Variants in RASIP1 observed in about 807,000 individuals in gnomAD.
RASIP1 encodes the protein Ras interacting protein 1, also known as ras-interacting protein 1.
RASIP1 carries 20 observed loss-of-function variants against 85.3 expected under a neutral mutation model. The observed-to-expected ratio is 0.23, with a 90% confidence interval of 0.17 to 0.34. The LOEUF (loss-of-function observed/expected upper bound fraction) is 0.34, where lower values mean the gene tolerates loss of function less well. RASIP1 is among the 10% of genes least tolerant of loss of function. The probability of loss-of-function intolerance (pLI) is 1.00; values close to 1 mark genes in which losing one functional copy is unlikely to be tolerated. For synonymous variants in RASIP1, 617 were observed against 647.1 expected, an observed-to-expected ratio of 0.95 and a Z score of 0.71; for missense variants, 1,170 against 1,390.9, an observed-to-expected ratio of 0.84 and a Z score of 2.53.
At chr19:48,725,084 C>T (rs2033319351) in intron 8 of RASIP1, 124 bp from the exon 9 acceptor site, 3 of 1,164,096 alleles carry the variant, frequency 2.6e-6, no homozygotes, top group South Asian at 3.1e-5. Context: ...GTCCATTCTA[C>T]AGTCAACACC....
intron 8 of RASIP1, among the ~76,000 whole-genome samples, chr19:48,726,235 CTT>C (rs535162576): frequency 5.9e-5 from 9 of 151,858 alleles, no homozygotes; most frequent in Admixed American, 2.0e-4. Flanking sequence ...TTATATTACT[CTT>C]TTGAGACAGA....
chr19:48,735,364 C>T lies in RASIP1; in HGVS notation c.1011G>A (p.Arg337=), dbSNP rs148553286. The T allele has an allele frequency of 1.6e-5, 26 of 1,612,906 alleles. No homozygotes were observed. The African/African-American group carries it at 3.2e-4, about 20-fold the overall frequency. Residue 337 remains arginine (R), a synonymous_variant, in exon 4 of 12, where the codon CGG becomes CGA. Coordinates refer to ENST00000222145, the MANE Select transcript of RASIP1 (RefSeq NM_017805.3). ...CCTGCTGTCTCCGCTCCTGCTGCCG[C>T]CGCCGCCGCCCCTGAAGGCTAAGCT... The part of the protein sequence containing the change: ...VSELSLQGRR[R]RQQERRQQAL...
At chr19:48,734,024 A>C (rs527753517) in intron 4 of RASIP1, among the ~76,000 whole-genome samples, 1 of 151,450 alleles carries the variant, frequency 6.6e-6, no homozygotes, top group Non-Finnish European at 1.5e-5. Flanking sequence ...GGCCGGGCAC[A>C]GTGGCTTACG....
Position 48,720,900 on chromosome 19 carries a change from C to T in RASIP1, c.2790G>A (p.Leu930=). Residue 930 remains leucine, a synonymous_variant, in exon 12 of 12, where the codon TTG becomes TTA. Transcript: ENST00000222145. ...RLTGPVTDDA[L]HRELRRLRRL... ...GGCGGAGCCTACGGAGTTCACGGTG[C>T]AAGGCATCGTCCGTCACTGGACCAG... The T allele has an allele frequency of 6.2e-7, 1 of 1,613,938 alleles. No individual in the cohort carries two copies. The highest frequency in any genetic ancestry group is 8.5e-7 in the Non-Finnish European group (1 of 1,179,996).
chr19:48,725,812 G>A (rs35851152), intron 8 of RASIP1, among the ~76,000 whole-genome samples: 8,215 of 152,218 alleles, frequency 0.054, 301 homozygotes, highest in Non-Finnish European at 0.08. Flanking sequence ...AAACTTAACA[G>A]TGACTGAAGA....
intron 10 of RASIP1, among the ~76,000 whole-genome samples, chr19:48,722,320 T>C (rs1358882703): frequency 2.0e-4 from 30 of 148,384 alleles, no homozygotes; most frequent in Non-Finnish European, 4.0e-4. Context: ...TTTTTTTTTT[T>C]TTTTGTCCTT....
At chr19:48,723,088 A>G (rs559966494) in intron 10 of RASIP1, among the ~76,000 whole-genome samples, 2 of 151,772 alleles carry the variant, frequency 1.3e-5, no homozygotes, top group East Asian at 2.0e-4. Context: ...TGTCTCCCCT[A>G]TGTTGCCAAC....
intron 3 of RASIP1, chr19:48,737,665 C>T: frequency 7.1e-6 from 7 of 985,396 alleles, no homozygotes; most frequent in Non-Finnish European, 8.4e-6. Flanking sequence ...ATACTCCACC[C>T]ACATAGGCCC....
In RASIP1 at chr19:48,724,286, G is replaced by T. The variant is rs375147128; in HGVS notation, c.2544+51C>A. On this transcript the variant is annotated intron_variant, in intron 10 of 11. Coordinates refer to ENST00000222145, the MANE Select transcript of RASIP1 (RefSeq NM_017805.3). The surrounding 1 kb of genome is among the most constrained non-coding windows in gnomAD (Gnocchi z 4.6). ...AGCTGAATATAGAAGGTGGCTGAGG[G>T]GGGTTGAGGAGTCAGAGGTCAGGGG... 5.7e-6 allele frequency: 9 copies of T among 1,567,254 alleles called. 1 individual carries two copies. Among genetic ancestry groups the T allele is most frequent in the South Asian group, 2.3e-5 (2 of 86,770 alleles).
intron 3 of RASIP1, chr19:48,737,517 G>A: frequency 1.0e-6 from 1 of 985,236 alleles, no homozygotes; most frequent in Non-Finnish European, 1.2e-6. Flanking sequence ...CCTTTCCCAT[G>A]TGATCCCACT....
intron 6 of RASIP1, 100 bp downstream of exon 6, chr19:48,727,287 GAGAAGC>G (rs2033358473): frequency 6.5e-7 from 1 of 1,543,898 alleles, no homozygotes; most frequent in Non-Finnish European, 8.8e-7. Flanking sequence ...TGAGCGCAAG[GAGAAGC>G]AGAAACTTGC....
chr19:48,739,482 T>G lies in RASIP1; in HGVS notation c.301A>C (p.Thr101Pro). The G allele has an allele frequency of 6.7e-7, 1 of 1,503,730 alleles. No homozygotes were observed. 93.1% of individuals were successfully genotyped at this position (1,503,730 alleles called of 1,614,324 possible). The change falls in exon 3 of 12, where the codon ACG becomes CCG. Residue 101 changes from threonine to proline, a missense_variant. Transcript: ENST00000222145. This position sits in a 1 kb window ranked among gnomAD's most constrained non-coding sequence, Gnocchi z 9.2. ...QLFRGSGTGT[T>P]GSSGAGGPGT... ...GGGCCTCCTGCGCCGCTGGACCCCGTGGTCCCGGTCCCCGAGCCCCGGAAG... is the reference window on the plus strand; with the variant it reads ...GGGCCTCCTGCGCCGCTGGACCCCGGGGTCCCGGTCCCCGAGCCCCGGAAG...
intron 4 of RASIP1, among the ~76,000 whole-genome samples, chr19:48,731,838 T>C (rs927781388): frequency 3.9e-5 from 6 of 152,222 alleles, no homozygotes; most frequent in African/African-American, 1.4e-4. Context: ...CTGTTCTTCA[T>C]TCCTGTCTGA....
At chr19:48,732,477 A>C (rs1187364555) in intron 4 of RASIP1, among the ~76,000 whole-genome samples, 1 of 151,770 alleles carries the variant, frequency 6.6e-6, no homozygotes, top group African/African-American at 2.4e-5. Flanking sequence ...GATGGTCTCG[A>C]TCTCATGACC....
At chr19:48,722,143 T>TTTA in intron 10 of RASIP1, 142 bp from the exon 11 acceptor site, 1 of 798,690 alleles carries the variant, frequency 1.3e-6, no homozygotes, top group Non-Finnish European at 1.8e-6. Context: ...TGAAGTCTGT[T>TTTA]TATCACCAAA....
At position 48,735,366 on chromosome 19, in the gene RASIP1, G is replaced by A. The variant is rs1394116558; in HGVS notation, c.1009C>T (p.Arg337Trp). Residue 337 changes from arginine to tryptophan, a missense_variant, in exon 4 of 12, where the codon CGG becomes TGG. By Grantham distance (101) the Arg-to-Trp change is moderately radical. This residue lies in a region of RASIP1 where 301 missense variants were observed against 294.8 expected (regional missense o/e 1.02). Transcript: ENST00000222145. The part of the protein sequence containing the change: ...VSELSLQGRR[R>W]RQQERRQQAL... ...TGCTGTCTCCGCTCCTGCTGCCGCC[G>A]CCGCCGCCCCTGAAGGCTAAGCTCC... 2.5e-6 allele frequency: 4 copies of A among 1,612,884 alleles called. No individual in the cohort carries two copies. The highest frequency in any genetic ancestry group is 1.7e-5 in the Admixed American group (1 of 59,956).
rs767617469 is a variant in RASIP1, at chr19:48,735,327, C to T, written c.1048G>A (p.Ala350Thr). 1 of 1,613,738 alleles carries T rather than the reference C, an allele frequency of 6.2e-7. No homozygotes were observed. The highest frequency in any genetic ancestry group is 8.5e-7 in the Non-Finnish European group (1 of 1,179,924). The change falls in exon 4 of 12, where the codon GCC becomes ACC. Residue 350 changes from alanine to threonine, a missense_variant. This residue lies in a region of RASIP1 where 301 missense variants were observed against 294.8 expected (regional missense o/e 1.02). Transcript: ENST00000222145. Reference sequence around the variant, plus strand: ...ATTTGGGCGTCGGCTGCCCCTGGGGCCATGCTAAGTGCCTGCTGTCTCCGC... The same window carrying T: ...ATTTGGGCGTCGGCTGCCCCTGGGGTCATGCTAAGTGCCTGCTGTCTCCGC... ...QERRQQALSM[A>T]PGAADAQIGT...
At chr19:48,737,875 C>T in intron 3 of RASIP1, 2 of 985,362 alleles carry the variant, frequency 2.0e-6, no homozygotes. Flanking sequence ...GAACATTGTC[C>T]GTGCTTACTC....
chr19:48,728,432 T>G (rs1453631512), intron 5 of RASIP1, among the ~76,000 whole-genome samples: 1 of 152,144 alleles, frequency 6.6e-6, no homozygotes, highest in Non-Finnish European at 1.5e-5. Flanking sequence ...GTGCAGTGGA[T>G]CTACATCTCC....
Sources: allele counts gnomAD v4.1 joint callset (sites outside exome capture counted in the v4.1 genomes callset), GRCh38; gene constraint gnomAD v4.1.1; regional missense constraint gnomAD v4.1.1; non-coding constraint Gnocchi (gnomAD v3.1); transcripts MANE v1.5; gene names NCBI Gene and HGNC (gene_info 2026-07-23, HGNC 2026-07-21).